NUAK1: variants seen among roughly 807,000 people sequenced by gnomAD.
NUAK1 encodes the protein NUAK family kinase 1, also known as NUAK family SNF1-like kinase 1.
A neutral mutation model predicts 56.9 loss-of-function variants in NUAK1; 26 were observed. The observed-to-expected ratio is 0.46, with a 90% CI of 0.33 to 0.63. The LOEUF is 0.63. Among genes scored for constraint, NUAK1 ranks in the 30% least tolerant of loss-of-function variants. The probability of loss-of-function intolerance (pLI) is 0.02; values close to 1 mark genes in which losing one functional copy is unlikely to be tolerated. For missense variants in NUAK1, 727 were observed against 876.1 expected (o/e 0.83, Z 2.15); for synonymous variants, 337 against 336.0 (o/e 1.00, Z -0.03).
At chr12:106,071,083 C>A (rs1396340400) in intron 5 of NUAK1, among the ~76,000 whole-genome samples, 177 bp from the exon 6 acceptor site, 1 of 152,210 alleles carries the variant, frequency 6.6e-6, no homozygotes, top group Admixed American at 6.5e-5. Context: ...GCAGCTGGGA[C>A]CTGCTACAGA....
In NUAK1 at chr12:106,066,932, C is replaced by T. The variant is rs757960457; in HGVS notation, c.1856G>A (p.Arg619Gln). Reference protein sequence around the residue: ...QIQDFEGLQNRPRPQYLKRYR... With the variant: ...QIQDFEGLQNQPRPQYLKRYR... ...CCGCTTCAGGTACTGGGGCCGGGGC[C>T]GGTTCTGGAGCCCCTCAAAGTCCTG... Residue 619 changes from arginine to glutamine, a missense_variant, in exon 7 of 7, where the codon CGG becomes CAG. Transcript: ENST00000261402. The T allele has an allele frequency of 9.9e-6, 16 of 1,613,908 alleles. No homozygotes were observed. The highest frequency in any genetic ancestry group is 1.3e-5 in the African/African-American group (1 of 74,894).
chr12:106,112,814 G>A (rs1289124950), intron 1 of NUAK1, among the ~76,000 whole-genome samples: 1 of 152,240 alleles, frequency 6.6e-6, no homozygotes, highest in Non-Finnish European at 1.5e-5. Context: ...TGTGTAGCTA[G>A]GAGCTTTTCC....
Position 106,067,320 on chromosome 12 carries a change from G to A in NUAK1, c.1468C>T (p.Leu490=). The A allele has an allele frequency of 6.2e-7, 1 of 1,614,198 alleles. No homozygotes were observed. Among genetic ancestry groups the A allele is most frequent in the South Asian group, 1.1e-5 (1 of 91,080 alleles). ...SSPERSESSE[L]LDSNDVMGSS... is the part of the protein sequence containing the mutation. ...CCCATCACATCATTACTGTCCAACA[G>A]CTCCGAAGACTCACTGCGCTCTGGG... The change falls in exon 7 of 7, where the codon CTG becomes TTG. Residue 490 remains leucine, a synonymous_variant. Coordinates refer to ENST00000261402, the MANE Select transcript of NUAK1 (RefSeq NM_014840.3). The surrounding 1 kb of genome is among the most constrained non-coding windows in gnomAD (Gnocchi z 6.0).
intron 1 of NUAK1, among the ~76,000 whole-genome samples, chr12:106,115,109 T>C (rs2032902834): frequency 6.6e-6 from 1 of 152,220 alleles, no homozygotes; most frequent in Non-Finnish European, 1.5e-5. Flanking sequence ...AATGATAACT[T>C]CAGGCCACTA....
chr12:106,094,283 T>C (rs553749647), intron 2 of NUAK1, among the ~76,000 whole-genome samples: 83 of 152,320 alleles, frequency 5.4e-4, no homozygotes, highest in African/African-American at 1.9e-3. Context: ...TCCCAAAATC[T>C]CGGACCGGAG....
chr12:106,094,336 T>C (rs2032671191), intron 2 of NUAK1, among the ~76,000 whole-genome samples: 1 of 152,216 alleles, frequency 6.6e-6, no homozygotes, highest in Admixed American at 6.5e-5. Context: ...TAAAGGTCAG[T>C]ACAGTCCTCA....
intron 4 of NUAK1, among the ~76,000 whole-genome samples, chr12:106,077,281 T>C (rs1441197897): frequency 6.6e-6 from 1 of 152,144 alleles, no homozygotes; most frequent in Non-Finnish European, 1.5e-5. Flanking sequence ...TCACTCAAGT[T>C]CCTCATCTGC....
chr12:106,110,329 C>T (rs898092111), intron 1 of NUAK1, among the ~76,000 whole-genome samples: 4 of 151,816 alleles, frequency 2.6e-5, no homozygotes, highest in African/African-American at 4.8e-5. Context: ...TACCAAGTAC[C>T]GGCTACACAA....
At chr12:106,080,513 G>C (rs925848645) in intron 4 of NUAK1, among the ~76,000 whole-genome samples, 7 of 152,184 alleles carry the variant, frequency 4.6e-5, no homozygotes, top group Admixed American at 6.5e-5. Flanking sequence ...GCAGCCCAAA[G>C]CAGCACATTG....
At chr12:106,081,355 C>A (rs1227531885) in intron 4 of NUAK1, among the ~76,000 whole-genome samples, 1 of 152,188 alleles carries the variant, frequency 6.6e-6, no homozygotes, top group Non-Finnish European at 1.5e-5. Flanking sequence ...ATTCCTTGAA[C>A]AAAGAGGAAA....
intron 4 of NUAK1, among the ~76,000 whole-genome samples, chr12:106,077,621 G>A (rs757245953): frequency 1.6e-4 from 24 of 152,102 alleles, no homozygotes; most frequent in Non-Finnish European, 3.1e-4. Flanking sequence ...GCCTTGCCTC[G>A]TACCAGCATC....
At chr12:106,119,086 C>T (rs1271440014) in intron 1 of NUAK1, among the ~76,000 whole-genome samples, 1 of 152,180 alleles carries the variant, frequency 6.6e-6, no homozygotes, top group Non-Finnish European at 1.5e-5. Context: ...AATTCTACTT[C>T]TTACTCCCTC....
chr12:106,068,800 T>C (rs541648099), intron 6 of NUAK1, among the ~76,000 whole-genome samples: 32 of 152,292 alleles, frequency 2.1e-4, no homozygotes, highest in Middle Eastern at 6.8e-3. Context: ...TGGGGTGAAT[T>C]ATATTCTTGG....
chr12:106,072,665 C>A, intron 5 of NUAK1, 59 bp downstream of exon 5: 3 of 1,529,988 alleles, frequency 2.0e-6, no homozygotes, highest in Admixed American at 2.0e-5. Flanking sequence ...CAGTTTTTGC[C>A]CTTCCTCCCT....
chr12:106,110,209 G>A (rs2032844517), intron 1 of NUAK1, among the ~76,000 whole-genome samples: 1 of 152,154 alleles, frequency 6.6e-6, no homozygotes, highest in Non-Finnish European at 1.5e-5. Context: ...CCATTCAGCT[G>A]AACAGGGCAC....
At chr12:106,119,161 C>T (rs2032949238) in intron 1 of NUAK1, among the ~76,000 whole-genome samples, 1 of 152,226 alleles carries the variant, frequency 6.6e-6, no homozygotes, top group Non-Finnish European at 1.5e-5. Flanking sequence ...GTAGGTTTTT[C>T]CTGGTTTTAA....
chr12:106,080,943 G>A (rs1008223263), intron 4 of NUAK1, among the ~76,000 whole-genome samples: 1 of 152,176 alleles, frequency 6.6e-6, no homozygotes, highest in Non-Finnish European at 1.5e-5. Flanking sequence ...TGCCAGCATG[G>A]GTCCTTTCTA....
intron 2 of NUAK1, among the ~76,000 whole-genome samples, chr12:106,104,821 CA>C (rs894070244): frequency 6.6e-6 from 1 of 151,776 alleles, no homozygotes; most frequent in Non-Finnish European, 1.5e-5. Flanking sequence ...AAAAGAATGG[CA>C]AAAAAAGATC....
In NUAK1 at chr12:106,067,898, A is replaced by G. The variant is rs747899336; in HGVS notation, c.890T>C (p.Ile297Thr). 5 of 1,614,064 alleles carry G rather than the reference A, an allele frequency of 3.1e-6. No individual in the cohort carries two copies. The highest frequency in any genetic ancestry group is 2.2e-5 in the South Asian group (2 of 91,060). ...LMVNPDRRAT[I>T]EDIANHWWVN... Reference sequence around the variant, plus strand: ...CCACCAGTGGTTGGCAATGTCCTCAATAGTGGCCCGGCGATCGGGGTTCAC... The same window carrying G: ...CCACCAGTGGTTGGCAATGTCCTCAGTAGTGGCCCGGCGATCGGGGTTCAC... The change falls in exon 7 of 7, where the codon ATT (isoleucine) becomes ACT (threonine). Residue 297 changes from isoleucine (I) to threonine (T), a missense_variant. Transcript: ENST00000261402. The surrounding 1 kb of genome is among the most constrained non-coding windows in gnomAD (Gnocchi z 6.0).
Sources: gnomAD v4.1 joint callset for allele counts (sites outside exome capture counted in the v4.1 genomes callset) on GRCh38, gnomAD v4.1.1 for gene constraint, Gnocchi (gnomAD v3.1) non-coding constraint, MANE v1.5 for transcripts, NCBI Gene and HGNC (gene_info 2026-07-23, HGNC 2026-07-21) for gene names.